Variants in RUNX2 observed in about 807,000 individuals in gnomAD.
RUNX2 encodes RUNX family transcription factor 2.
RUNX2 carries 10 observed loss-of-function variants against 51.7 expected under a neutral mutation model. The observed-to-expected ratio is 0.19, with a 90% CI of 0.12 to 0.33. RUNX2 has a LOEUF of 0.33. Among genes scored for constraint, RUNX2 ranks in the 10% least tolerant of loss-of-function variants. The probability of loss-of-function intolerance (pLI) is 1.00; values close to 1 mark genes in which losing one functional copy is unlikely to be tolerated. For missense variants in RUNX2, 562 were observed against 691.3 expected (o/e 0.81, Z 2.10); for synonymous variants, 276 against 273.6 (o/e 1.01, Z -0.09).
chr6:45,452,721 A>G, intron 5 of RUNX2, among the ~76,000 whole-genome samples: 1 of 152,182 alleles, frequency 6.6e-6, no homozygotes, highest in East Asian at 1.9e-4. Context: ...TTTTGAACTA[A>G]GTGCATACAA....
Position 45,422,819 on chromosome 6 carries a change from G to A in RUNX2, c.285G>A (p.Pro95=). 1 of 1,593,968 alleles carries A rather than the reference G, an allele frequency of 6.3e-7. No homozygotes were observed. Among genetic ancestry groups the A allele is most frequent in the Non-Finnish European group, 8.5e-7 (1 of 1,173,194 alleles). The change falls in exon 3 of 9, where the codon CCG becomes CCA. Residue 95 remains proline, a synonymous_variant. Coordinates refer to ENST00000647337, the MANE Select transcript of RUNX2 (RefSeq NM_001024630.4). The stretch of plus-strand genomic sequence containing the variant: ...CAGCTGCAGTGCCCCGGTTGCGGCC[G>A]CCCCACGACAACCGCACCATGGTGG... The part of the protein sequence containing the change: ...AAAAAVPRLR[P]PHDNRTMVEI...
intron 7 of RUNX2, among the ~76,000 whole-genome samples, chr6:45,523,036 C>T (rs1801556371): frequency 6.6e-6 from 1 of 152,172 alleles, no homozygotes; most frequent in Non-Finnish European, 1.5e-5. Flanking sequence ...ATGAATCCAC[C>T]TACTCATTAT....
intron 2 of RUNX2, among the ~76,000 whole-genome samples, chr6:45,373,619 C>T (rs553712242): frequency 6.6e-6 from 1 of 152,158 alleles, no homozygotes; most frequent in Non-Finnish European, 1.5e-5. Context: ...TGCACGATCT[C>T]GGCTCACTGC....
intron 2 of RUNX2, among the ~76,000 whole-genome samples, chr6:45,372,999 G>A (rs1016739500): frequency 9.2e-5 from 14 of 152,236 alleles, no homozygotes; most frequent in African/African-American, 3.4e-4. Context: ...AGTAGACAGA[G>A]TTTCACCATG....
chr6:45,523,468 A>G (rs1339196301), intron 7 of RUNX2, among the ~76,000 whole-genome samples: 1 of 151,622 alleles, frequency 6.6e-6, no homozygotes, highest in African/African-American at 2.4e-5. Context: ...ACGGGGTTTC[A>G]CCATGTTGGC....
intron 2 of RUNX2, among the ~76,000 whole-genome samples, chr6:45,370,812 C>T (rs1003162942): frequency 4.6e-5 from 7 of 152,168 alleles, no homozygotes; most frequent in Non-Finnish European, 7.3e-5. Context: ...TGATAGACTG[C>T]TCCGAGACAC....
At chr6:45,521,152 G>A (rs1801496440) in intron 7 of RUNX2, among the ~76,000 whole-genome samples, 1 of 152,068 alleles carries the variant, frequency 6.6e-6, no homozygotes, top group East Asian at 1.9e-4. Flanking sequence ...AGGTGCTTAA[G>A]AATGTTTAAT....
At chr6:45,422,996 G>A (rs3749864) in intron 3 of RUNX2, 39 bp downstream of exon 3, 2 of 1,592,036 alleles carry the variant, frequency 1.3e-6, no homozygotes, top group East Asian at 2.3e-5. Context: ...GGCCGGGAGC[G>A]GCGGAACCTG....
At chr6:45,330,403 A>T (rs1200860574) in intron 2 of RUNX2, among the ~76,000 whole-genome samples, 4 of 152,024 alleles carry the variant, frequency 2.6e-5, no homozygotes, top group African/African-American at 9.7e-5. Flanking sequence ...CAGAGGGATA[A>T]CTTGAAACAG....
chr6:45,354,584 G>C (rs1199492119), intron 2 of RUNX2, among the ~76,000 whole-genome samples: 1 of 151,436 alleles, frequency 6.6e-6, no homozygotes, highest in Non-Finnish European at 1.5e-5. Context: ...TGCATTTAAG[G>C]CTTCCTGATT....
chr6:45,351,012 C>T (rs977885630), intron 2 of RUNX2, among the ~76,000 whole-genome samples: 1 of 152,054 alleles, frequency 6.6e-6, no homozygotes, highest in Non-Finnish European at 1.5e-5. Flanking sequence ...CTAAGTTCTG[C>T]GCTCCTTATG....
intron 2 of RUNX2, among the ~76,000 whole-genome samples, chr6:45,368,824 T>C (rs1795570450): frequency 6.6e-6 from 1 of 152,128 alleles, no homozygotes; most frequent in Non-Finnish European, 1.5e-5. Flanking sequence ...TAGAAAACTT[T>C]TATAATTAGA....
At chr6:45,444,825 G>C (rs1244580569) in intron 5 of RUNX2, among the ~76,000 whole-genome samples, 1 of 152,168 alleles carries the variant, frequency 6.6e-6, no homozygotes, top group Non-Finnish European at 1.5e-5. Flanking sequence ...GTTCCACCTA[G>C]TTCTGGGACT....
At chr6:45,477,148 G>C (rs189679131) in intron 5 of RUNX2, among the ~76,000 whole-genome samples, 2 of 152,232 alleles carry the variant, frequency 1.3e-5, no homozygotes, top group African/African-American at 2.4e-5. Context: ...CCACTGCATG[G>C]GTTGTCTCCG....
intron 5 of RUNX2, among the ~76,000 whole-genome samples, chr6:45,448,711 C>T (rs1278570946): frequency 1.3e-5 from 2 of 152,134 alleles, no homozygotes; most frequent in African/African-American, 2.4e-5. Flanking sequence ...TCATTTACCT[C>T]CTTGGAGTTA....
At chr6:45,360,154 T>G (rs1794001297) in intron 2 of RUNX2, among the ~76,000 whole-genome samples, 1 of 152,230 alleles carries the variant, frequency 6.6e-6, no homozygotes, top group African/African-American at 2.4e-5. Flanking sequence ...GAGTCAGACT[T>G]CCTGGCATTA....
chr6:45,378,340 G>A (rs1319621371), intron 2 of RUNX2, among the ~76,000 whole-genome samples: 1 of 152,242 alleles, frequency 6.6e-6, no homozygotes, highest in East Asian at 1.9e-4. Context: ...CTCCGAGGAA[G>A]AGATTCACCG....
rs901001228 is a variant in RUNX2 at position 45,447,772 on chromosome 6, T to A, written c.685+9721T>A. 2.0e-5 allele frequency among the ~76,000 whole-genome samples: 3 copies of A among 152,360 alleles called. No individual in the cohort carries two copies. The East Asian group carries it at 5.8e-4, about 29-fold the overall frequency. ...TTTCACCTTAGTTCTTCCTTTTAAGTTGAGTTTGCTTTTTTCTTGATGTAG... is the reference window on the plus strand; with the variant it reads ...TTTCACCTTAGTTCTTCCTTTTAAGATGAGTTTGCTTTTTTCTTGATGTAG... On this transcript the variant is annotated intron_variant, in intron 5 of 8. Transcript: ENST00000647337.
At chr6:45,342,758 A>AT (rs1301814390) in intron 2 of RUNX2, among the ~76,000 whole-genome samples, 5 of 152,078 alleles carry the variant, frequency 3.3e-5, no homozygotes, top group Admixed American at 3.3e-4. Flanking sequence ...TTAAAAGCTT[A>AT]TTTTTCCTGA....
Sources: allele counts gnomAD v4.1 joint callset (sites outside exome capture counted in the v4.1 genomes callset), GRCh38; gene constraint gnomAD v4.1.1; transcripts MANE v1.5; gene names NCBI Gene and HGNC (gene_info 2026-07-23, HGNC 2026-07-21).